FBXL14: variants seen among roughly 807,000 people sequenced by gnomAD.
The protein encoded by FBXL14 is F-box and leucine rich repeat protein 14.
In FBXL14, 11 loss-of-function variants were observed where a neutral mutation model predicts 24.5. The ratio of observed to expected loss-of-function variants is 0.45; its 90% CI spans 0.28 to 0.74. The LOEUF (loss-of-function observed/expected upper bound fraction) is 0.74, where lower values mean the gene tolerates loss of function less well. Ranked by LOEUF, FBXL14 falls within the 30% of genes least tolerant of loss-of-function variation. The probability of loss-of-function intolerance (pLI) is 0.12; values close to 1 mark genes in which losing one functional copy is unlikely to be tolerated. For missense variants in FBXL14, 384 were observed against 545.6 expected (o/e 0.70, Z 2.95); for synonymous variants, 294 against 240.4 (o/e 1.22, Z -2.06).
intron 1 of FBXL14, among the ~76,000 whole-genome samples, chr12:1,586,779 C>T (rs1386821867): frequency 9.9e-5 from 15 of 152,228 alleles, no homozygotes; most frequent in Non-Finnish European, 1.5e-5. Flanking sequence ...AGTTCTTCCA[C>T]AGATCACACT....
chr12:1,568,182 C>T (rs1056007082), intron 1 of FBXL14, among the ~76,000 whole-genome samples: 1 of 152,144 alleles, frequency 6.6e-6, no homozygotes, highest in Non-Finnish European at 1.5e-5. Flanking sequence ...AAACACATTA[C>T]CTGTAGAGGA....
chr12:1,589,450 AAAAAAGACAGGAAGGCAGGAAGAC>A lies in FBXL14; in HGVS notation c.1194+3399_1194+3422del, dbSNP rs1388787325. On this transcript the variant is annotated intron_variant, in intron 1 of 1. Transcript: ENST00000339235. ...AGACCTTGTCTCAAAAAAAAAAAAAAAAAAAGACAGGAAGGCAGGAAGACAGGAAGGAAGGGAGGGAGGGAGGGA... is the reference window on the plus strand; with the variant it reads ...AGACCTTGTCTCAAAAAAAAAAAAAAAGGAAGGAAGGGAGGGAGGGAGGGA... Among the ~76,000 whole-genome samples, 92 of 142,018 alleles carry A rather than the reference AAAAAAGACAGGAAGGCAGGAAGAC, an allele frequency of 6.5e-4. 1 individual carries two copies. Among genetic ancestry groups the A allele is most frequent in the Middle Eastern group, 3.5e-3 (1 of 288 alleles). 93.2% of individuals were successfully genotyped at this position (142,018 alleles called of 152,430 possible).
At position 1,568,881 on chromosome 12, in the gene FBXL14, G is replaced by A. The variant is rs72653426; in HGVS notation, c.1195-2071C>T. On this transcript the variant is annotated intron_variant, in intron 1 of 1. Transcript: ENST00000339235. ...CAAAAAACAAAAAAAGATTGTCATA[G>A]TGGGTCAAAAAATAAGACCCAGCTC... 3.2e-4 allele frequency among the ~76,000 whole-genome samples: 49 copies of A among 152,224 alleles called. No homozygotes were observed. In the East Asian group the frequency reaches 8.5e-3, roughly 26 times the overall value.
intron 1 of FBXL14, among the ~76,000 whole-genome samples, chr12:1,573,575 G>A (rs1412864089): frequency 6.6e-6 from 1 of 152,188 alleles, no homozygotes; most frequent in Non-Finnish European, 1.5e-5. Context: ...GGCAGCTGAG[G>A]GGCACAGAGA....
chr12:1,593,640 TGAG>T lies in FBXL14; in HGVS notation c.424_426del (p.Leu142del). On this transcript the variant is annotated inframe_deletion, in exon 1 of 2. Coordinates refer to ENST00000339235, the MANE Select transcript of FBXL14 (RefSeq NM_152441.3). This position sits in a 1 kb window ranked among gnomAD's most constrained non-coding sequence, Gnocchi z 7.4. ...CCCAGCTCCAGCACCTCCAGGCCCT[TGAG>T]GTACTGGGCTATGCGGCCCAGGCTG... 6.2e-7 allele frequency: 1 copy of T among 1,614,108 alleles called. No individual in the cohort carries two copies. Among genetic ancestry groups the T allele is most frequent in the Non-Finnish European group, 8.5e-7 (1 of 1,180,010 alleles).
At position 1,593,083 on chromosome 12, in the gene FBXL14, C is replaced by G; in HGVS notation, c.984G>C (p.Gln328His). The change falls in exon 1 of 2, where the codon CAG becomes CAC. Residue 328 changes from glutamine to histidine, a missense_variant. By Grantham distance (24) the Gln-to-His change is conservative. Coordinates refer to ENST00000339235, the MANE Select transcript of FBXL14 (RefSeq NM_152441.3). This position sits in a 1 kb window ranked among gnomAD's most constrained non-coding sequence, Gnocchi z 7.4. ...SDDGINRMVRQMHGLRTLNIG... is the reference protein window; with the variant it reads ...SDDGINRMVRHMHGLRTLNIG... ...TGTTGAGCGTGCGCAGCCCGTGCATCTGCCGCACCATGCGGTTGATGCCAT... is the reference window on the plus strand; with the variant it reads ...TGTTGAGCGTGCGCAGCCCGTGCATGTGCCGCACCATGCGGTTGATGCCAT... The G allele has an allele frequency of 6.2e-7, 1 of 1,613,282 alleles. No homozygotes were observed. The highest frequency in any genetic ancestry group is 8.5e-7 in the Non-Finnish European group (1 of 1,180,034).
chr12:1,588,595 T>C (rs969162137), intron 1 of FBXL14, among the ~76,000 whole-genome samples: 1 of 152,148 alleles, frequency 6.6e-6, no homozygotes, highest in Non-Finnish European at 1.5e-5. Context: ...AGATAATCTT[T>C]CCAGTAAGAA....
Position 1,593,461 on chromosome 12 carries a change from C to A in FBXL14, c.606G>T (p.Leu202=), listed in dbSNP as rs1037561838. ...CCTGTAGCGTGAGCTGCTCCAGGCCCAGGCAGCCCTCCGCCGCGCTGCGCG... is the reference window on the plus strand; with the variant it reads ...CCTGTAGCGTGAGCTGCTCCAGGCCAAGGCAGCCCTCCGCCGCGCTGCGCG... ...GMTRSAAEGC[L]GLEQLTLQDC... is the part of the protein sequence containing the mutation. The change falls in exon 1 of 2, where the codon CTG becomes CTT. Residue 202 remains leucine (L), a synonymous_variant. Transcript: ENST00000339235. This position sits in a 1 kb window ranked among gnomAD's most constrained non-coding sequence, Gnocchi z 7.4. 2 of 1,613,984 alleles carry A rather than the reference C, an allele frequency of 1.2e-6. No individual in the cohort carries two copies. The highest frequency in any genetic ancestry group is 1.7e-6 in the Non-Finnish European group (2 of 1,180,026).
chr12:1,586,909 A>C (rs2094477812), intron 1 of FBXL14, among the ~76,000 whole-genome samples: 2 of 152,202 alleles, frequency 1.3e-5, no homozygotes, highest in African/African-American at 4.8e-5. Flanking sequence ...TATCCTTGTA[A>C]GTTTTTTATA....
intron 1 of FBXL14, among the ~76,000 whole-genome samples, chr12:1,571,416 C>G (rs2094445317): frequency 1.3e-5 from 2 of 152,146 alleles, no homozygotes; most frequent in African/African-American, 4.8e-5. Context: ...CCATGTTGGT[C>G]AGGCTGGTCT....
In FBXL14 at chr12:1,579,065, T is replaced by C. The variant is rs1351172277; in HGVS notation, c.1195-12255A>G. On this transcript the variant is annotated intron_variant, in intron 1 of 1. Transcript: ENST00000339235. This position sits in a 1 kb window ranked among gnomAD's most constrained non-coding sequence, Gnocchi z 4.3. ...GGGGAGGGGGCTCCAGATAACACAC[T>C]TCTACTTGCTTTCTTTAGGGAAACG... is the stretch of plus-strand genomic sequence containing the variant. 6.6e-6 allele frequency among the ~76,000 whole-genome samples: 1 copy of C among 152,062 alleles called. No homozygotes were observed. Among genetic ancestry groups the C allele is most frequent in the East Asian group, 1.9e-4 (1 of 5,184 alleles).
At chr12:1,576,062 G>A (rs533107112) in intron 1 of FBXL14, among the ~76,000 whole-genome samples, 1 of 152,308 alleles carries the variant, frequency 6.6e-6, no homozygotes, top group South Asian at 2.1e-4. Context: ...ACTAGCCTAC[G>A]ACAGCGGGAG....
chr12:1,586,707 T>A (rs546887297), intron 1 of FBXL14, among the ~76,000 whole-genome samples: 3 of 152,212 alleles, frequency 2.0e-5, no homozygotes, highest in Non-Finnish European at 4.4e-5. Flanking sequence ...ATGTACCACA[T>A]CTGCCAGATT....
In FBXL14 at chr12:1,566,515, G is replaced by A. The variant is rs2094436569; in HGVS notation, c.*233C>T. On this transcript the variant is annotated 3_prime_UTR_variant, in exon 2 of 2. Transcript: ENST00000339235. ...ACAGACTGAAAAAGCAAGTCTCCTT[G>A]GATCCATAAAGGAAGCGAGGTCTCA... The A allele has an allele frequency of 2.2e-6, 1 of 448,488 alleles. No homozygotes were observed. Among genetic ancestry groups the A allele is most frequent in the Non-Finnish European group, 3.9e-6 (1 of 253,628 alleles). The allele number at this position is 448,488 out of a possible 1,614,324, so 27.8% of individuals were successfully genotyped here. A position where few individuals can be genotyped will look rare whatever the true frequency, so the allele number is the denominator to read the frequency against.
intron 1 of FBXL14, among the ~76,000 whole-genome samples, chr12:1,590,189 A>C (rs547119590): frequency 1.3e-5 from 2 of 150,312 alleles, no homozygotes; most frequent in Non-Finnish European, 3.0e-5. Flanking sequence ...AGTGGGAAGA[A>C]AGAGATCCAC....
intron 1 of FBXL14, among the ~76,000 whole-genome samples, chr12:1,581,277 T>C (rs185740772): frequency 6.6e-5 from 10 of 152,134 alleles, no homozygotes; most frequent in Non-Finnish European, 1.2e-4. Context: ...GCAGCAGCAG[T>C]GGCTGTCAGC....
chr12:1,584,570 G>C (rs2094472835), intron 1 of FBXL14, among the ~76,000 whole-genome samples: 1 of 152,220 alleles, frequency 6.6e-6, no homozygotes, highest in Admixed American at 6.5e-5. Context: ...ACAGACATCA[G>C]CTAGGGCTGG....
chr12:1,585,048 G>A (rs1175612610), intron 1 of FBXL14, among the ~76,000 whole-genome samples: 3 of 152,094 alleles, frequency 2.0e-5, no homozygotes, highest in African/African-American at 7.2e-5. Context: ...AATTTTTTTG[G>A]CTCCTCCCTG....
At chr12:1,573,591 A>G (rs10848525) in intron 1 of FBXL14, among the ~76,000 whole-genome samples, 47,945 of 152,036 alleles carry the variant, frequency 0.32, 7,836 homozygotes, top group South Asian at 0.37. Flanking sequence ...AGAGATAGCA[A>G]TGGGAGGCTG....
Sources: gnomAD v4.1 joint callset for allele counts (sites outside exome capture counted in the v4.1 genomes callset) on GRCh38, gnomAD v4.1.1 for gene constraint, Gnocchi (gnomAD v3.1) non-coding constraint, MANE v1.5 for transcripts, NCBI Gene and HGNC (gene_info 2026-07-23, HGNC 2026-07-21) for gene names.